The following PLA2G4A variants were observed in gnomAD, a reference collection of about 807,000 sequenced individuals.
PLA2G4A encodes the protein cytosolic phospholipase A2.
PLA2G4A carries 40 observed loss-of-function variants against 81.9 expected under a neutral mutation model. That is an observed-to-expected ratio of 0.49 (90% CI 0.38 to 0.64). The LOEUF is 0.64. Ranked by LOEUF, PLA2G4A falls within the 30% of genes least tolerant of loss-of-function variation. PLA2G4A has a pLI of 0.00. For missense variants in PLA2G4A, 715 were observed against 905.1 expected, an observed-to-expected ratio of 0.79 and a Z score of 2.69; for synonymous variants, 302 against 296.9, an observed-to-expected ratio of 1.02 and a Z score of -0.18.
At chr1:186,926,200 T>C (rs554403505) in intron 7 of PLA2G4A, among the ~76,000 whole-genome samples, 1 of 152,342 alleles carries the variant, frequency 6.6e-6, no homozygotes, top group Non-Finnish European at 1.5e-5. Context: ...CTCCTCCTTT[T>C]GTGGAAAGGA....
chr1:186,974,251 C>T (rs1290719016), intron 15 of PLA2G4A, among the ~76,000 whole-genome samples: 6 of 151,940 alleles, frequency 3.9e-5, no homozygotes, highest in African/African-American at 1.5e-4. Context: ...CATTCCTCTC[C>T]TTCAAGTCTT....
chr1:186,966,082 A>T (rs1361446162), intron 15 of PLA2G4A, among the ~76,000 whole-genome samples: 1 of 151,458 alleles, frequency 6.6e-6, no homozygotes, highest in Non-Finnish European at 1.5e-5. Context: ...TGAGGGCAGA[A>T]ATCAGACCAG....
intron 3 of PLA2G4A, among the ~76,000 whole-genome samples, chr1:186,890,054 G>A (rs527809246): frequency 5.9e-5 from 9 of 152,204 alleles, no homozygotes; most frequent in South Asian, 2.1e-4. Flanking sequence ...ACATTATAGC[G>A]CGATTGTGAG....
intron 1 of PLA2G4A, among the ~76,000 whole-genome samples, chr1:186,853,261 T>TA (rs80039173): frequency 2.6e-5 from 4 of 151,436 alleles, no homozygotes; most frequent in South Asian, 4.2e-4. Context: ...CCCATTTTTT[T>TA]AAAAAAAAAT....
chr1:186,927,574 T>C (rs1238533759), intron 7 of PLA2G4A, among the ~76,000 whole-genome samples: 2 of 152,194 alleles, frequency 1.3e-5, no homozygotes, highest in East Asian at 3.8e-4. Context: ...AAGAAAAGAT[T>C]CTTCTTGTCA....
At chr1:186,962,486 TTTTATTTATTTATTTATTTATTTATTTA>T (rs10657628) in intron 14 of PLA2G4A, among the ~76,000 whole-genome samples, 3 of 136,674 alleles carry the variant, frequency 2.2e-5, no homozygotes, top group Non-Finnish European at 4.6e-5. Flanking sequence ...AGTTATTTTA[TTTTATTTATTTATTTATTTATTTATTTA>T]TTTATTTATT....
chr1:186,879,278 T>C (rs1653638049), intron 3 of PLA2G4A, among the ~76,000 whole-genome samples: 1 of 151,994 alleles, frequency 6.6e-6, no homozygotes. Flanking sequence ...AATGACAACG[T>C]TGAGATTTTA....
intron 7 of PLA2G4A, among the ~76,000 whole-genome samples, chr1:186,912,525 T>G (rs1654984498): frequency 6.6e-6 from 1 of 152,002 alleles, no homozygotes. Context: ...TGCCTTTTGT[T>G]AGTTTGCCTA....
At chr1:186,954,548 CT>C (rs1656675749) in intron 13 of PLA2G4A, among the ~76,000 whole-genome samples, 4 of 152,090 alleles carry the variant, frequency 2.6e-5, no homozygotes, top group Admixed American at 2.6e-4. Flanking sequence ...TGTATCAAAC[CT>C]GCACATTGTG....
chr1:186,860,299 C>T (rs913860918), intron 2 of PLA2G4A, among the ~76,000 whole-genome samples: 2 of 152,080 alleles, frequency 1.3e-5, no homozygotes, highest in Non-Finnish European at 2.9e-5. Flanking sequence ...CTACGATCTG[C>T]CATCTCAAGC....
At position 186,863,761 on chromosome 1, in the gene PLA2G4A, ATT is replaced by A. The variant is rs35282734; in HGVS notation, c.34-6659_34-6658del. 1.2e-3 allele frequency among the ~76,000 whole-genome samples: 94 copies of A among 78,248 alleles called. No individual in the cohort carries two copies. In the South Asian group the frequency reaches 0.022, roughly 18 times the overall value. 51.3% of individuals were successfully genotyped at this position (78,248 alleles called of 152,430 possible). ...ATTTGTTTTTCTGTGCAAATATATA[ATT>A]TTTTTTTTTTTTTTGGGGACAGAGT... On this transcript the variant is annotated intron_variant, in intron 2 of 17. Transcript: ENST00000367466.
intron 2 of PLA2G4A, among the ~76,000 whole-genome samples, chr1:186,867,846 C>A (rs1287934151): frequency 6.6e-6 from 1 of 151,954 alleles, no homozygotes; most frequent in Non-Finnish European, 1.5e-5. Flanking sequence ...TGTAGATGTC[C>A]TTTATCAAGT....
At chr1:186,922,993 C>T (rs1435843473) in intron 7 of PLA2G4A, among the ~76,000 whole-genome samples, 1 of 152,166 alleles carries the variant, frequency 6.6e-6, no homozygotes, top group Admixed American at 6.5e-5. Context: ...TTATGTCAGT[C>T]GTCAATGTTT....
intron 7 of PLA2G4A, among the ~76,000 whole-genome samples, chr1:186,925,652 C>G (rs1004706062): frequency 2.6e-5 from 4 of 152,166 alleles, no homozygotes; most frequent in African/African-American, 7.2e-5. Flanking sequence ...AATGAGCACA[C>G]AGGTAATTTC....
chr1:186,865,473 A>G (rs1490894746), intron 2 of PLA2G4A, among the ~76,000 whole-genome samples: 3 of 152,166 alleles, frequency 2.0e-5, no homozygotes, highest in East Asian at 1.9e-4. Context: ...TACCAAAAAA[A>G]CCTCAGGATT....
chr1:186,865,825 T>C (rs917917792), intron 2 of PLA2G4A, among the ~76,000 whole-genome samples: 1 of 152,206 alleles, frequency 6.6e-6, no homozygotes, highest in Non-Finnish European at 1.5e-5. Flanking sequence ...TCAATATACT[T>C]ATCCAGAATG....
At chr1:186,923,274 A>G (rs1429722952) in intron 7 of PLA2G4A, among the ~76,000 whole-genome samples, 1 of 152,170 alleles carries the variant, frequency 6.6e-6, no homozygotes, top group Non-Finnish European at 1.5e-5. Context: ...TTCATATATT[A>G]TTCAGAAATT....
At chr1:186,858,720 T>C (rs1017139981) in intron 2 of PLA2G4A, among the ~76,000 whole-genome samples, 5 of 152,106 alleles carry the variant, frequency 3.3e-5, no homozygotes, top group South Asian at 2.1e-4. Context: ...TATTATATTA[T>C]ACCATATTAC....
At chr1:186,930,633 T>C (rs1336751350) in intron 7 of PLA2G4A, among the ~76,000 whole-genome samples, 1 of 152,198 alleles carries the variant, frequency 6.6e-6, no homozygotes, top group Non-Finnish European at 1.5e-5. Flanking sequence ...ACGTGATTTG[T>C]ATTGGGTTGG....
Sources: allele counts gnomAD v4.1 joint callset (sites outside exome capture counted in the v4.1 genomes callset), GRCh38; gene constraint gnomAD v4.1.1; transcripts MANE v1.5; gene names NCBI Gene and HGNC (gene_info 2026-07-23, HGNC 2026-07-21).